The following THSD4 variants were observed in gnomAD, a reference collection of about 807,000 sequenced individuals.
THSD4 encodes thrombospondin type 1 domain containing 4, also known as thrombospondin type-1 domain-containing protein 4.
In THSD4, 69 loss-of-function variants were observed where a neutral mutation model predicts 119.0. The observed-to-expected ratio is 0.58, with a 90% CI of 0.48 to 0.71. The LOEUF (loss-of-function observed/expected upper bound fraction) is 0.71. Among genes scored for constraint, THSD4 ranks in the 30% least tolerant of loss-of-function variants. THSD4 has a pLI of 0.00. For missense variants in THSD4, 1,393 were observed against 1,391.1 expected (o/e 1.00, Z -0.02); for synonymous variants, 524 against 540.4 (o/e 0.97, Z 0.42).
At chr15:71,721,604 A>T (rs1289749840) in intron 8 of THSD4, among the ~76,000 whole-genome samples, 1 of 152,180 alleles carries the variant, frequency 6.6e-6, no homozygotes, top group Non-Finnish European at 1.5e-5. Flanking sequence ...CAGGAGACAG[A>T]GGTTGCAGTG....
At chr15:71,640,946 A>G (rs1444228244) in intron 7 of THSD4, among the ~76,000 whole-genome samples, 1 of 151,324 alleles carries the variant, frequency 6.6e-6, no homozygotes, top group Non-Finnish European at 1.5e-5. Flanking sequence ...AAGTCACCTG[A>G]TGATTTAGAT....
chr15:71,198,973 A>G (rs1179248022), intron 3 of THSD4, among the ~76,000 whole-genome samples: 3 of 152,248 alleles, frequency 2.0e-5, no homozygotes, highest in Non-Finnish European at 2.9e-5. Flanking sequence ...TGGCTTAAGA[A>G]GTTCTCCTAA....
Position 71,777,485 on chromosome 15 carries a change from A to T in THSD4, c.*111A>T, listed in dbSNP as rs2053936387. ...GGGCCCCCTGGCCCAGGCGCTGCCA[A>T]CCAACTTAGTCACCACCCCTGCCTC... On this transcript the variant is annotated 3_prime_UTR_variant, in exon 18 of 18. Coordinates refer to ENST00000261862, the MANE Select transcript of THSD4 (RefSeq NM_024817.3). The T allele has an allele frequency of 1.4e-6, 2 of 1,440,060 alleles. No individual in the cohort carries two copies. Among genetic ancestry groups the T allele is most frequent in the South Asian group, 2.7e-5 (2 of 74,072 alleles). 89.2% of individuals were successfully genotyped at this position (1,440,060 alleles called of 1,614,324 possible). A position where few individuals can be genotyped will look rare whatever the true frequency, so the allele number is the denominator to read the frequency against.
chr15:71,670,951 C>T (rs1485936640), intron 8 of THSD4, among the ~76,000 whole-genome samples: 1 of 152,102 alleles, frequency 6.6e-6, no homozygotes, highest in African/African-American at 2.4e-5. Context: ...AATAGTGCCG[C>T]AATAAACATA....
chr15:71,118,533 C>A (rs1478441377), intron 1 of THSD4, among the ~76,000 whole-genome samples: 1 of 152,124 alleles, frequency 6.6e-6, no homozygotes, highest in Non-Finnish European at 1.5e-5. Flanking sequence ...CTCCTTGGGC[C>A]TCTCCAGGTC....
chr15:71,197,524 G>A (rs1462875679), intron 3 of THSD4, among the ~76,000 whole-genome samples: 1 of 152,106 alleles, frequency 6.6e-6, no homozygotes, highest in Non-Finnish European at 1.5e-5. Context: ...CAAGTTCAAC[G>A]ACCAGACCCC....
In THSD4 at chr15:71,457,521, G is replaced by A. The variant is rs2047357640; in HGVS notation, c.1152+45698G>A. Among the ~76,000 whole-genome samples the A allele has an allele frequency of 2.6e-5, 4 of 152,092 alleles. No homozygotes were observed. In the South Asian group the frequency reaches 8.3e-4, roughly 32 times the overall value. On this transcript the variant is annotated intron_variant, in intron 7 of 17. Transcript: ENST00000261862. ...CTGTGGACAACAGGGTCCTTTCAAG[G>A]TCTGGCTCCTTCCCAGAGCTCCAGC...
At chr15:71,613,728 C>T (rs189964269) in intron 7 of THSD4, among the ~76,000 whole-genome samples, 1 of 152,340 alleles carries the variant, frequency 6.6e-6, no homozygotes, top group Non-Finnish European at 1.5e-5. Flanking sequence ...CATATCTCAT[C>T]TAAACCATAG....
chr15:71,565,156 T>A (rs2049209842), intron 7 of THSD4, among the ~76,000 whole-genome samples: 1 of 152,232 alleles, frequency 6.6e-6, no homozygotes, highest in South Asian at 2.1e-4. Context: ...TTAAGCTGAC[T>A]GAGGTCACAT....
intron 14 of THSD4, among the ~76,000 whole-genome samples, chr15:71,752,537 C>T (rs1211110037): frequency 6.6e-6 from 1 of 152,154 alleles, no homozygotes; most frequent in Non-Finnish European, 1.5e-5. Flanking sequence ...TCTAAATGTT[C>T]ATGCTTATTT....
chr15:71,348,952 A>G (rs1159016600), intron 6 of THSD4, among the ~76,000 whole-genome samples: 3 of 152,222 alleles, frequency 2.0e-5, no homozygotes, highest in African/African-American at 7.2e-5. Flanking sequence ...TCTCCTTTGA[A>G]GTTACCTCTT....
intron 3 of THSD4, among the ~76,000 whole-genome samples, chr15:71,204,401 G>C (rs1031553327): frequency 6.6e-6 from 1 of 152,204 alleles, no homozygotes; most frequent in Non-Finnish European, 1.5e-5. Context: ...TGTGCTCAGA[G>C]CCTCTTTGCT....
intron 1 of THSD4, among the ~76,000 whole-genome samples, chr15:71,126,644 G>A (rs552686117): frequency 6.6e-6 from 1 of 152,290 alleles, no homozygotes; most frequent in Admixed American, 6.5e-5. Flanking sequence ...AGAGATGTGG[G>A]AATATCTCAC....
chr15:71,616,967 G>T (rs902037359), intron 7 of THSD4, among the ~76,000 whole-genome samples: 1 of 152,212 alleles, frequency 6.6e-6, no homozygotes, highest in Admixed American at 6.5e-5. Context: ...TGTAATAGGG[G>T]CTCAGAAGGG....
intron 7 of THSD4, among the ~76,000 whole-genome samples, chr15:71,561,949 G>T (rs2049129350): frequency 6.6e-6 from 1 of 151,004 alleles, no homozygotes; most frequent in African/African-American, 2.4e-5. Context: ...CTCTTCTCTA[G>T]AGCCAGAAAG....
intron 1 of THSD4, among the ~76,000 whole-genome samples, chr15:71,107,135 A>G (rs2040277219): frequency 6.6e-6 from 1 of 152,204 alleles, no homozygotes; most frequent in Non-Finnish European, 1.5e-5. Flanking sequence ...GTTTAACTCT[A>G]AAACCAATGT....
At chr15:71,639,242 A>G (rs956667240) in intron 7 of THSD4, among the ~76,000 whole-genome samples, 1 of 152,256 alleles carries the variant, frequency 6.6e-6, no homozygotes, top group Non-Finnish European at 1.5e-5. Flanking sequence ...TAAAGTGAAA[A>G]GATGAGTACT....
intron 6 of THSD4, among the ~76,000 whole-genome samples, chr15:71,331,069 T>C (rs2045414883): frequency 6.6e-6 from 1 of 152,242 alleles, no homozygotes; most frequent in Non-Finnish European, 1.5e-5. Flanking sequence ...CAGTGGCCTT[T>C]GGCTGGCAAA....
rs150201009 is a variant in THSD4 at position 71,695,712 on chromosome 15, C to T, written c.1358-32837C>T. ...GCCCCTGCACACTCAGGAGGCAGGA[C>T]GGATGTTGCTTTCTTCTTCCTTCAC... is the stretch of plus-strand genomic sequence containing the variant. On this transcript the variant is annotated intron_variant, in intron 8 of 17. Coordinates refer to ENST00000261862, the MANE Select transcript of THSD4 (RefSeq NM_024817.3). Among the ~76,000 whole-genome samples the T allele has an allele frequency of 8.7e-3, 1,319 of 152,182 alleles. 17 individuals carry two copies. Among genetic ancestry groups the T allele is most frequent in the African/African-American group, 0.03 (1,257 of 41,508 alleles).
Sources: allele counts gnomAD v4.1 joint callset (sites outside exome capture counted in the v4.1 genomes callset), GRCh38; gene constraint gnomAD v4.1.1; transcripts MANE v1.5; gene names NCBI Gene and HGNC (gene_info 2026-07-23, HGNC 2026-07-21).